Variants in PEF1 observed in about 807,000 individuals in gnomAD.
PEF1 encodes the protein penta-EF-hand domain containing 1, also known as peflin.
A neutral mutation model predicts 32.0 loss-of-function variants in PEF1; 17 were observed. The observed-to-expected ratio is 0.53, with a 90% confidence interval of 0.36 to 0.80. The LOEUF (loss-of-function observed/expected upper bound fraction) is 0.80, where lower values mean the gene tolerates loss of function less well. PEF1 is among the 30% of genes least tolerant of loss of function. The probability of loss-of-function intolerance (pLI) is 0.00; values close to 1 mark genes in which losing one functional copy is unlikely to be tolerated. For missense variants in PEF1, 362 were observed against 369.1 expected (o/e 0.98, Z 0.16); for synonymous variants, 130 against 139.8 (o/e 0.93, Z 0.50).
chr1:31,630,695 C>G lies in PEF1; in HGVS notation c.773G>C (p.Arg258Pro), dbSNP rs146006007. The G allele has an allele frequency of 6.2e-7, 1 of 1,614,060 alleles. No individual in the cohort carries two copies. The highest frequency in any genetic ancestry group is 8.5e-7 in the Non-Finnish European group (1 of 1,180,046). The change falls in exon 5 of 5, where the codon CGG (arginine) becomes CCG (proline). Residue 258 changes from arginine (R) to proline (P), a missense_variant. Coordinates refer to ENST00000373703, the MANE Select transcript of PEF1 (RefSeq NM_012392.4). ...TQLQVLTEAFREKDTAVQGNI... is the reference protein window; with the variant it reads ...TQLQVLTEAFPEKDTAVQGNI... The stretch of plus-strand genomic sequence containing the variant: ...GCCTTGTACAGCTGTGTCCTTCTCC[C>G]GGAAGGCCTCTGTCAGCACCTGCAG...
At chr1:31,634,129 G>A (rs1570272331) in intron 2 of PEF1, among the ~76,000 whole-genome samples, 1 of 152,306 alleles carries the variant, frequency 6.6e-6, no homozygotes, top group Non-Finnish European at 1.5e-5. Context: ...TAAGGACAGA[G>A]GGAAAAAGGT....
chr1:31,631,441 A>G (rs1557583657), intron 4 of PEF1, among the ~76,000 whole-genome samples: 1 of 152,180 alleles, frequency 6.6e-6, no homozygotes, highest in Non-Finnish European at 1.5e-5. Flanking sequence ...GGTCTCTTGG[A>G]GCATCCTGTC....
intron 3 of PEF1, among the ~76,000 whole-genome samples, chr1:31,632,910 A>C (rs1375957706): frequency 6.6e-6 from 1 of 152,122 alleles, no homozygotes; most frequent in Non-Finnish European, 1.5e-5. Flanking sequence ...CCTACAGGGG[A>C]GGGAGTACCA....
chr1:31,635,326 G>C lies in PEF1; in HGVS notation c.221C>G (p.Ser74Cys). The C allele has an allele frequency of 6.2e-7, 1 of 1,614,118 alleles. No individual in the cohort carries two copies. Among genetic ancestry groups the C allele is most frequent in the South Asian group, 1.1e-5 (1 of 91,088 alleles). The change falls in exon 2 of 5, where the codon TCT (serine) becomes TGT (cysteine). Residue 74 changes from serine to cysteine, a missense_variant. Ser to Cys is a moderately radical substitution (Grantham distance 112, BLOSUM62 -1). Coordinates refer to ENST00000373703, the MANE Select transcript of PEF1 (RefSeq NM_012392.4). ...YGHPNPGMFPSGTPGGPYGGA... is the reference protein window; with the variant it reads ...YGHPNPGMFPCGTPGGPYGGA... ...GCCATATGGTCCTCCTGGAGTTCCA[G>C]AGGGGAACATCCCAGGATTGGGGTG... is the stretch of plus-strand genomic sequence containing the variant.
At position 31,630,620 on chromosome 1, in the gene PEF1, A is replaced by G. The variant is rs1640068655; in HGVS notation, c.848T>C (p.Met283Thr). Residue 283 changes from methionine to threonine, a missense_variant, in exon 5 of 5, where the codon ATG (methionine) becomes ACG (threonine). Transcript: ENST00000373703. ...TCTCCACAGATGGTTGGGTCATAGC[A>G]TCCGAGAAGCTGTCATGGTGACGAA... ...EDFVTMTASR[M>T]L is the part of the protein sequence containing the mutation. The G allele has an allele frequency of 6.2e-7, 1 of 1,612,314 alleles. No individual in the cohort carries two copies. The highest frequency in any genetic ancestry group is 1.3e-5 in the African/African-American group (1 of 75,008).
chr1:31,630,403 A>G lies in PEF1; in HGVS notation c.*210T>C. On this transcript the variant is annotated 3_prime_UTR_variant, in exon 5 of 5. Transcript: ENST00000373703. ...TTCAACTTCTATCCTCTCCTCCATCAGGCCCCTATCTGTGTGGCCTCAGCC... is the reference window on the plus strand; with the variant it reads ...TTCAACTTCTATCCTCTCCTCCATCGGGCCCCTATCTGTGTGGCCTCAGCC... 1.7e-6 allele frequency: 1 copy of G among 587,274 alleles called. No homozygotes were observed. Among genetic ancestry groups the G allele is most frequent in the East Asian group, 2.9e-5 (1 of 34,338 alleles). 36.4% of individuals were successfully genotyped at this position (587,274 alleles called of 1,614,324 possible). A position where few individuals can be genotyped will look rare whatever the true frequency, so the allele number is the denominator to read the frequency against.
At chr1:31,635,004 A>T (rs1640215799) in intron 2 of PEF1, 1 of 717,636 alleles carries the variant, frequency 1.4e-6, no homozygotes, top group African/African-American at 1.8e-5. Flanking sequence ...GCTGACATGT[A>T]AGCAAAAGAA....
At position 31,635,334 on chromosome 1, in the gene PEF1, C is replaced by A; in HGVS notation, c.213G>T (p.Met71Ile). 1.2e-6 allele frequency: 2 copies of A among 1,614,082 alleles called. No individual in the cohort carries two copies. Among genetic ancestry groups the A allele is most frequent in the Non-Finnish European group, 1.7e-6 (2 of 1,179,976 alleles). The change falls in exon 2 of 5, where the codon ATG (methionine) becomes ATT (isoleucine). Residue 71 changes from methionine to isoleucine, a missense_variant. Transcript: ENST00000373703. Reference protein sequence around the residue: ...GGPYGHPNPGMFPSGTPGGPY... With the variant: ...GGPYGHPNPGIFPSGTPGGPY... ...GTCCTCCTGGAGTTCCAGAGGGGAA[C>A]ATCCCAGGATTGGGGTGTCCATAGG...
At chr1:31,639,664 G>A (rs1640347108) in intron 1 of PEF1, among the ~76,000 whole-genome samples, 1 of 152,356 alleles carries the variant, frequency 6.6e-6, no homozygotes, top group Non-Finnish European at 1.5e-5. Flanking sequence ...GAACCAGACA[G>A]CACACTTGGG....
chr1:31,641,467 A>C (rs1008942341), intron 1 of PEF1, among the ~76,000 whole-genome samples: 4 of 152,164 alleles, frequency 2.6e-5, no homozygotes, highest in African/African-American at 9.7e-5. Flanking sequence ...CACACTCCCC[A>C]AAAAGGCATA....
intron 4 of PEF1, 117 bp from the exon 5 acceptor site, chr1:31,630,959 A>G: frequency 1.2e-6 from 1 of 841,256 alleles, no homozygotes; most frequent in Non-Finnish European, 1.9e-6. Context: ...GCACAGAAGC[A>G]CAAAGAGGGT....
intron 2 of PEF1, among the ~76,000 whole-genome samples, chr1:31,634,396 G>T (rs1378344977): frequency 2.0e-5 from 3 of 152,160 alleles, no homozygotes; most frequent in African/African-American, 7.2e-5. Flanking sequence ...TCTGAGTAAT[G>T]ATTTTCACAT....
chr1:31,640,050 T>C (rs371545038), intron 1 of PEF1, among the ~76,000 whole-genome samples: 1 of 152,212 alleles, frequency 6.6e-6, no homozygotes, highest in East Asian at 1.9e-4. Flanking sequence ...AACAGGATTG[T>C]GAAGGCAGGT....
chr1:31,633,203 C>T lies in PEF1; in HGVS notation c.437G>A (p.Cys146Tyr). 6.2e-7 allele frequency: 1 copy of T among 1,614,048 alleles called. No individual in the cohort carries two copies. The highest frequency in any genetic ancestry group is 1.1e-5 in the South Asian group (1 of 91,022). The change falls in exon 3 of 5, where the codon TGC (cysteine) becomes TAC (tyrosine). Residue 146 changes from cysteine (C) to tyrosine (Y), a missense_variant. Physicochemically the swap from Cys to Tyr is radical, Grantham distance 194. Coordinates refer to ENST00000373703, the MANE Select transcript of PEF1 (RefSeq NM_012392.4). ...MKELKQALVNCNWSSFNDETC... is the reference protein window; with the variant it reads ...MKELKQALVNYNWSSFNDETC... ...CTCATCATTGAATGAAGACCAATTG[C>T]AGTTGACCAGGGCCTGCTTTAGCTC... is the stretch of plus-strand genomic sequence containing the variant.
chr1:31,631,176 C>A (rs778540436), intron 4 of PEF1, among the ~76,000 whole-genome samples: 2 of 152,182 alleles, frequency 1.3e-5, no homozygotes, highest in Admixed American at 6.5e-5. Context: ...AGCCTGAGCT[C>A]CCAGGACCAC....
intron 2 of PEF1, among the ~76,000 whole-genome samples, chr1:31,633,824 A>G (rs1193709622): frequency 1.3e-5 from 2 of 152,122 alleles, no homozygotes; most frequent in Non-Finnish European, 2.9e-5. Context: ...GCATGGTGGC[A>G]CATGCCTGTA....
rs1476477803 is a variant in PEF1 at position 31,630,309 on chromosome 1, T to C, written c.*304A>G. The C allele has an allele frequency of 2.4e-6, 1 of 410,120 alleles. No individual in the cohort carries two copies. Among genetic ancestry groups the C allele is most frequent in the African/African-American group, 2.0e-5 (1 of 49,534 alleles). 25.4% of individuals were successfully genotyped at this position (410,120 alleles called of 1,614,324 possible). A position where few individuals can be genotyped will look rare whatever the true frequency, so the allele number is the denominator to read the frequency against. On this transcript the variant is annotated 3_prime_UTR_variant, in exon 5 of 5. Coordinates refer to ENST00000373703, the MANE Select transcript of PEF1 (RefSeq NM_012392.4). ...GGGTGGAGCTCAGCTGACTGGACAC[T>C]AACTCCATTACAAGGACCTGCTCCT...
At chr1:31,643,609 G>A (rs961305468) in intron 1 of PEF1, among the ~76,000 whole-genome samples, 2 of 152,124 alleles carry the variant, frequency 1.3e-5, no homozygotes, top group South Asian at 2.1e-4. Flanking sequence ...AGTTAATTAG[G>A]GGTAATAATA....
rs763321866 is a variant in PEF1, at chr1:31,635,439, A to T, written c.108T>A (p.Tyr36Ter). 1 of 1,608,994 alleles carries T rather than the reference A, an allele frequency of 6.2e-7. No homozygotes were observed. Among genetic ancestry groups the T allele is most frequent in the Admixed American group, 1.7e-5 (1 of 59,550 alleles). ...YPGPPNSGGQYGSGLPPGGGY... is the reference protein window; with the variant it reads ...YPGPPNSGGQ Reference sequence around the variant, plus strand: ...CACCACCAGGGGGTAGCCCACTACCATACTGCCCTCCACTATTGGGGGGTC... The same window carrying T: ...CACCACCAGGGGGTAGCCCACTACCTTACTGCCCTCCACTATTGGGGGGTC... The change falls in exon 2 of 5, where the codon TAT (tyrosine) becomes TAA (stop). Residue 36 changes from tyrosine (Y) to a stop codon, truncating the protein, a stop_gained. Coordinates refer to ENST00000373703, the MANE Select transcript of PEF1 (RefSeq NM_012392.4). LOFTEE classifies it high-confidence loss of function.
Sources: allele counts gnomAD v4.1 joint callset (sites outside exome capture counted in the v4.1 genomes callset), GRCh38; gene constraint gnomAD v4.1.1; transcripts MANE v1.5; gene names NCBI Gene and HGNC (gene_info 2026-07-23, HGNC 2026-07-21).